The following LARGE1 variants were observed in gnomAD, a reference collection of about 807,000 sequenced individuals.
LARGE1 encodes the protein xylosyl- and glucuronyltransferase LARGE1.
LARGE1 carries 43 observed loss-of-function variants against 87.6 expected under a neutral mutation model. The observed-to-expected ratio is 0.49, with a 90% CI of 0.38 to 0.63. The LOEUF is 0.63. Among genes scored for constraint, LARGE1 ranks in the 30% least tolerant of loss-of-function variants. The probability of loss-of-function intolerance (pLI) is 0.00; values close to 1 mark genes in which losing one functional copy is unlikely to be tolerated. For synonymous variants in LARGE1, 434 were observed against 394.6 expected (o/e 1.10, Z -1.18); for missense variants, 802 against 1,000.2 (o/e 0.80, Z 2.67).
intron 2 of LARGE1, among the ~76,000 whole-genome samples, chr22:33,743,743 T>C (rs959881979): frequency 6.6e-6 from 1 of 152,238 alleles, no homozygotes; most frequent in Non-Finnish European, 1.5e-5. Context: ...ATTTTACAGA[T>C]GATGAAAGGG....
chr22:33,531,030 C>G (rs2072173039), intron 6 of LARGE1, among the ~76,000 whole-genome samples: 1 of 152,202 alleles, frequency 6.6e-6, no homozygotes, highest in African/African-American at 2.4e-5. Flanking sequence ...ATGTGAGAGT[C>G]TTGGTGACTG....
At chr22:33,252,982 T>C (rs1390257311) in intron 11 of LARGE1, among the ~76,000 whole-genome samples, 3 of 152,190 alleles carry the variant, frequency 2.0e-5, no homozygotes, top group African/African-American at 4.8e-5. Flanking sequence ...TGAGACTGAA[T>C]TGGCATTTTT....
intron 5 of LARGE1, among the ~76,000 whole-genome samples, chr22:33,586,346 C>G (rs1274959022): frequency 6.6e-6 from 1 of 152,192 alleles, no homozygotes; most frequent in African/African-American, 2.4e-5. Flanking sequence ...GACAATGACA[C>G]CCATGATAGT....
At chr22:33,722,604 A>C (rs1257821310) in intron 2 of LARGE1, among the ~76,000 whole-genome samples, 1 of 152,180 alleles carries the variant, frequency 6.6e-6, no homozygotes, top group Non-Finnish European at 1.5e-5. Context: ...CTTAGAATTG[A>C]ATGAACACTC....
intron 1 of LARGE1, among the ~76,000 whole-genome samples, chr22:33,888,044 C>G (rs76868418): frequency 0.013 from 1,918 of 152,256 alleles, 41 homozygotes; most frequent in African/African-American, 0.044. Context: ...TCCATCGTTC[C>G]TTCCCAATGT....
chr22:33,477,586 A>G (rs2069133307), intron 6 of LARGE1, among the ~76,000 whole-genome samples: 1 of 152,154 alleles, frequency 6.6e-6, no homozygotes, highest in African/African-American at 2.4e-5. Flanking sequence ...GTGGTTAGAC[A>G]CAACTCCCCC....
chr22:33,791,410 G>A (rs2085820430), intron 1 of LARGE1, among the ~76,000 whole-genome samples: 1 of 152,124 alleles, frequency 6.6e-6, no homozygotes, highest in South Asian at 2.1e-4. Context: ...TGGCACAAAG[G>A]GGAACTGAGT....
intron 4 of LARGE1, among the ~76,000 whole-genome samples, chr22:33,612,644 C>T (rs1371637853): frequency 2.0e-5 from 3 of 152,136 alleles, no homozygotes; most frequent in East Asian, 1.9e-4. Context: ...TTACTGCACA[C>T]CTACTTAATG....
At chr22:33,856,623 G>A (rs1568990391) in intron 1 of LARGE1, 1 of 152,220 alleles carries the variant, frequency 6.6e-6, no homozygotes, top group Non-Finnish European at 1.5e-5. Flanking sequence ...ACTTTTAGCT[G>A]TGTGAGCCAA....
At chr22:33,809,172 T>C (rs1389667202) in intron 1 of LARGE1, among the ~76,000 whole-genome samples, 2 of 151,716 alleles carry the variant, frequency 1.3e-5, no homozygotes, top group Non-Finnish European at 2.9e-5. Context: ...CTCAGGAGGC[T>C]CAGGCAAGAG....
At chr22:33,083,859 A>C in the LARGE1 span, among the ~76,000 whole-genome samples, 1 of 152,192 alleles carries the variant, frequency 6.6e-6, no homozygotes, top group Admixed American at 6.5e-5. Context: ...ACCTCCCAGC[A>C]AGAGTTTACA....
chr22:33,277,586 T>C (rs548782096), intron 13 of LARGE1, among the ~76,000 whole-genome samples: 2 of 152,060 alleles, frequency 1.3e-5, no homozygotes, highest in Non-Finnish European at 2.9e-5. Context: ...TTGGGAGAGA[T>C]TGGATGACGG....
At chr22:33,778,592 T>C (rs2085321195) in intron 1 of LARGE1, among the ~76,000 whole-genome samples, 1 of 152,172 alleles carries the variant, frequency 6.6e-6, no homozygotes, top group Non-Finnish European at 1.5e-5. Context: ...TTGGGTCTGG[T>C]TCCTCTCACT....
intron 3 of LARGE1, among the ~76,000 whole-genome samples, chr22:33,648,529 G>C (rs956002345): frequency 1.7e-4 from 26 of 152,178 alleles, no homozygotes; most frequent in African/African-American, 6.0e-4. Context: ...CCATGGCTGT[G>C]ATCTGCTAGC....
At chr22:33,774,085 G>T (rs571880025) in intron 1 of LARGE1, among the ~76,000 whole-genome samples, 1 of 148,314 alleles carries the variant, frequency 6.7e-6, no homozygotes, top group Admixed American at 6.8e-5. Flanking sequence ...TGGGGTGGGG[G>T]TGGAGGGGCG....
intron 7 of LARGE1, among the ~76,000 whole-genome samples, chr22:33,401,270 T>C (rs1303532547): frequency 6.6e-6 from 1 of 152,142 alleles, no homozygotes; most frequent in Non-Finnish European, 1.5e-5. Flanking sequence ...AACCTCAGAA[T>C]GGGACTGAAT....
chr22:33,737,714 T>G (rs1394533081), intron 2 of LARGE1: 3 of 152,160 alleles, frequency 2.0e-5, no homozygotes, highest in Admixed American at 6.5e-5. Flanking sequence ...CGTAGAATCT[T>G]TCCTGGAGAA....
At chr22:33,229,624 T>C (rs888043600) in intron 11 of LARGE1, among the ~76,000 whole-genome samples, 2 of 152,014 alleles carry the variant, frequency 1.3e-5, no homozygotes, top group Non-Finnish European at 2.9e-5. Flanking sequence ...ATGAGATATT[T>C]GAAAATAATA....
chr22:33,538,532 C>T (rs550619808), intron 6 of LARGE1, among the ~76,000 whole-genome samples: 3 of 152,242 alleles, frequency 2.0e-5, no homozygotes, highest in African/African-American at 7.2e-5. Flanking sequence ...TAATGAAAAA[C>T]GAAAATGGAG....
Sources: gnomAD v4.1 joint callset for allele counts (sites outside exome capture counted in the v4.1 genomes callset) on GRCh38, gnomAD v4.1.1 for gene constraint, MANE v1.5 for transcripts, NCBI Gene and HGNC (gene_info 2026-07-23, HGNC 2026-07-21) for gene names.